The following GRID1 variants were observed in gnomAD, a reference collection of about 807,000 sequenced individuals.
GRID1 encodes glutamate ionotropic receptor delta type subunit 1, also known as glutamate receptor ionotropic, delta-1.
In GRID1, 28 loss-of-function variants were observed where a neutral mutation model predicts 98.0. The ratio of observed to expected loss-of-function variants is 0.29; its 90% CI spans 0.21 to 0.39. The LOEUF (loss-of-function observed/expected upper bound fraction) is 0.39, where lower values mean the gene tolerates loss of function less well. Ranked by LOEUF, GRID1 falls within the 10% of genes least tolerant of loss-of-function variation. The pLI is 1.00. For missense variants in GRID1, 1,111 were observed against 1,340.5 expected (o/e 0.83, Z 2.67); for synonymous variants, 553 against 538.5 (o/e 1.03, Z -0.37).
chr10:86,186,195 G>A (rs936018287), intron 3 of GRID1, among the ~76,000 whole-genome samples: 16 of 152,148 alleles, frequency 1.1e-4, no homozygotes, highest in African/African-American at 3.6e-4. Context: ...TGTCAAATGT[G>A]TTGGCATAAG....
chr10:85,609,064 C>A (rs1842704253), intron 15 of GRID1, among the ~76,000 whole-genome samples: 1 of 152,136 alleles, frequency 6.6e-6, no homozygotes, highest in Non-Finnish European at 1.5e-5. Context: ...TACCTCGGAA[C>A]CCAATGGGCT....
chr10:85,724,791 T>C, intron 10 of GRID1, 115 bp from the exon 11 acceptor site: 1 of 725,360 alleles, frequency 1.4e-6, no homozygotes. Context: ...GGAATGGATT[T>C]GAGAGCTGGC....
intron 4 of GRID1, among the ~76,000 whole-genome samples, chr10:86,116,440 C>T (rs1196425996): frequency 6.6e-6 from 1 of 152,040 alleles, no homozygotes; most frequent in Non-Finnish European, 1.5e-5. Flanking sequence ...AGGGAGGAGC[C>T]CAGGGTGAGA....
rs1039459968 is a variant in GRID1, at chr10:86,192,454, G to A, written c.520+13910C>T. Among the ~76,000 whole-genome samples the A allele has an allele frequency of 5.3e-5, 8 of 152,110 alleles. No individual in the cohort carries two copies. Among genetic ancestry groups the A allele is most frequent in the African/African-American group, 9.7e-5 (4 of 41,410 alleles). ...CAGTCTCAAGGAACAAATACGGTACGAGTCCACTTATATGAGGCCCCTAGA... is the reference window on the plus strand; with the variant it reads ...CAGTCTCAAGGAACAAATACGGTACAAGTCCACTTATATGAGGCCCCTAGA... On this transcript the variant is annotated intron_variant, in intron 3 of 15. Coordinates refer to ENST00000327946, the MANE Select transcript of GRID1 (RefSeq NM_017551.3). The surrounding 1 kb of genome is among the most constrained non-coding windows in gnomAD (Gnocchi z 4.8).
intron 12 of GRID1, chr10:85,708,723 G>A (rs550911237): frequency 6.6e-6 from 1 of 152,488 alleles, no homozygotes; most frequent in South Asian, 2.1e-4. Context: ...TATGTGTCTG[G>A]GTAACACATA....
At chr10:85,844,754 G>A (rs1045984001) in intron 8 of GRID1, among the ~76,000 whole-genome samples, 6 of 151,854 alleles carry the variant, frequency 4.0e-5, no homozygotes, top group African/African-American at 1.5e-4. Context: ...AGCATGGTAT[G>A]GTATTGGTGC....
chr10:86,207,830 C>A (rs577042248), intron 2 of GRID1, among the ~76,000 whole-genome samples: 106 of 152,140 alleles, frequency 7.0e-4, no homozygotes, highest in African/African-American at 2.5e-3. Context: ...CGGAGTTTCA[C>A]CGTGTTAGCC....
At chr10:85,993,173 G>A (rs143529366) in intron 4 of GRID1, among the ~76,000 whole-genome samples, 395 of 152,278 alleles carry the variant, frequency 2.6e-3, no homozygotes, top group Non-Finnish European at 4.6e-3. Flanking sequence ...AAGAGGAGGA[G>A]GCCAGGGTAT....
chr10:86,159,789 C>T (rs1301810096), intron 3 of GRID1, among the ~76,000 whole-genome samples: 2 of 152,200 alleles, frequency 1.3e-5, no homozygotes, highest in African/African-American at 4.8e-5. Flanking sequence ...CAATTTTAAC[C>T]TCTCTCTGCC....
At chr10:86,053,343 G>C (rs1251158770) in intron 4 of GRID1, among the ~76,000 whole-genome samples, 1 of 148,620 alleles carries the variant, frequency 6.7e-6, no homozygotes, top group Non-Finnish European at 1.5e-5. Flanking sequence ...TCGATTCTTT[G>C]CTCCATTTTT....
intron 4 of GRID1, among the ~76,000 whole-genome samples, chr10:86,017,634 GGTATGGCT>G (rs1377525424): frequency 7.9e-5 from 12 of 152,240 alleles, no homozygotes; most frequent in African/African-American, 2.9e-4. Context: ...ACAAGGGGCA[GGTATGGCT>G]GGCAGACATT....
chr10:85,890,564 A>C (rs1231369057), intron 5 of GRID1, among the ~76,000 whole-genome samples: 1 of 152,160 alleles, frequency 6.6e-6, no homozygotes, highest in Non-Finnish European at 1.5e-5. Flanking sequence ...GACTACTGTA[A>C]ATTCTCACTG....
At chr10:85,769,688 G>A (rs1015225871) in intron 8 of GRID1, among the ~76,000 whole-genome samples, 60 of 152,274 alleles carry the variant, frequency 3.9e-4, no homozygotes, top group African/African-American at 1.2e-3. Context: ...CACCTGGCTC[G>A]GAGGGTCCTA....
chr10:85,990,256 C>T lies in GRID1; in HGVS notation c.727-74017G>A, dbSNP rs554847442. Reference sequence around the variant, plus strand: ...ATCGTTAGCTTCACAATACACTCATCTCTGCTCAGCAGAGAAGAAATAGCC... The same window carrying T: ...ATCGTTAGCTTCACAATACACTCATTTCTGCTCAGCAGAGAAGAAATAGCC... On this transcript the variant is annotated intron_variant, in intron 4 of 15. Transcript: ENST00000327946. Among the ~76,000 whole-genome samples the T allele has an allele frequency of 2.0e-5, 3 of 152,328 alleles. No homozygotes were observed. The South Asian group carries it at 6.2e-4, about 32-fold the overall frequency.
At chr10:85,923,147 A>C (rs80072959) in intron 4 of GRID1, among the ~76,000 whole-genome samples, 1 of 151,842 alleles carries the variant, frequency 6.6e-6, no homozygotes, top group African/African-American at 2.4e-5. Context: ...CTTGATGGTC[A>C]TCTGTTCCCA....
chr10:86,198,744 T>A (rs545125028), intron 3 of GRID1, among the ~76,000 whole-genome samples: 1 of 152,244 alleles, frequency 6.6e-6, no homozygotes, highest in East Asian at 1.9e-4. Context: ...GCAAAGGTTA[T>A]CCTGAGCCTG....
At chr10:86,356,253 A>G (rs564771539) in intron 2 of GRID1, among the ~76,000 whole-genome samples, 2 of 152,364 alleles carry the variant, frequency 1.3e-5, no homozygotes, top group East Asian at 1.9e-4. Context: ...AATGGGAGCC[A>G]CAGATTCTGC....
At chr10:85,991,410 G>A (rs151327805) in intron 4 of GRID1, among the ~76,000 whole-genome samples, 1 of 152,246 alleles carries the variant, frequency 6.6e-6, no homozygotes, top group East Asian at 1.9e-4. Context: ...GAAAAGCCTG[G>A]GCTAGAGGCT....
intron 8 of GRID1, among the ~76,000 whole-genome samples, chr10:85,843,965 G>A (rs1376139219): frequency 6.6e-6 from 1 of 152,000 alleles, no homozygotes; most frequent in East Asian, 1.9e-4. Flanking sequence ...GTACACAAAT[G>A]CTCATAGTGG....
Sources: allele counts gnomAD v4.1 joint callset (sites outside exome capture counted in the v4.1 genomes callset), GRCh38; gene constraint gnomAD v4.1.1; non-coding constraint Gnocchi (gnomAD v3.1); transcripts MANE v1.5; gene names NCBI Gene and HGNC (gene_info 2026-07-23, HGNC 2026-07-21).